Variants in NAALADL2 observed in about 807,000 individuals in gnomAD.
The protein encoded by NAALADL2 is N-acetylated alpha-linked acidic dipeptidase like 2.
NAALADL2 carries 76 observed loss-of-function variants against 87.2 expected under a neutral mutation model. The observed-to-expected ratio is 0.87, with a 90% CI of 0.72 to 1.05. The LOEUF is 1.05. NAALADL2 is among the 50% of genes least tolerant of loss of function. The pLI is 0.00. For missense variants in NAALADL2, 1,089 were observed against 945.8 expected, an observed-to-expected ratio of 1.15 and a Z score of -1.99; for synonymous variants, 354 against 331.0, an observed-to-expected ratio of 1.07 and a Z score of -0.75.
intron 10 of NAALADL2, among the ~76,000 whole-genome samples, chr3:175,587,924 T>C (rs1183753942): frequency 2.0e-5 from 3 of 152,218 alleles, no homozygotes; most frequent in African/African-American, 2.4e-5. Context: ...CTGGAGATGA[T>C]ACACCTGGGG....
At chr3:174,723,755 CAAAAAAAAAA>C (rs10663395) in intron 2 of NAALADL2, among the ~76,000 whole-genome samples, 2 of 27,562 alleles carry the variant, frequency 7.3e-5, no homozygotes, top group South Asian at 2.4e-3. Context: ...GACTCCGTCT[CAAAAAAAAAA>C]AAAAAAAAAA....
chr3:175,654,770 A>T (rs1731223374), intron 11 of NAALADL2, among the ~76,000 whole-genome samples: 1 of 152,196 alleles, frequency 6.6e-6, no homozygotes, highest in Non-Finnish European at 1.5e-5. Context: ...TGTGTGATAC[A>T]TATCAAGAAA....
chr3:174,590,220 C>T (rs1427852166), intron 2 of NAALADL2, among the ~76,000 whole-genome samples: 2 of 151,710 alleles, frequency 1.3e-5, no homozygotes, highest in African/African-American at 4.8e-5. Context: ...TCTTGGTAAT[C>T]AGCTCAACTA....
At chr3:175,108,436 C>T (rs1723607411) in intron 2 of NAALADL2, among the ~76,000 whole-genome samples, 1 of 151,946 alleles carries the variant, frequency 6.6e-6, no homozygotes. Flanking sequence ...AGTTCCAATT[C>T]TATGGAGTAC....
chr3:174,574,639 A>G (rs1715324969), intron 2 of NAALADL2, among the ~76,000 whole-genome samples: 1 of 152,120 alleles, frequency 6.6e-6, no homozygotes, highest in Admixed American at 6.5e-5. Flanking sequence ...ATTGATTAGT[A>G]CATGTCAATC....
intron 2 of NAALADL2, among the ~76,000 whole-genome samples, chr3:174,586,668 C>G (rs1716762116): frequency 6.6e-6 from 1 of 152,140 alleles, no homozygotes; most frequent in Admixed American, 6.5e-5. Flanking sequence ...GGGCCAGGGG[C>G]TCACATGTTC....
At chr3:174,575,133 A>G (rs1715381152) in intron 2 of NAALADL2, among the ~76,000 whole-genome samples, 1 of 152,092 alleles carries the variant, frequency 6.6e-6, no homozygotes, top group Non-Finnish European at 1.5e-5. Flanking sequence ...TAATTTTTTA[A>G]AAAAAATTTA....
At chr3:174,627,917 T>A (rs1317891790) in intron 2 of NAALADL2, among the ~76,000 whole-genome samples, 3 of 152,104 alleles carry the variant, frequency 2.0e-5, no homozygotes, top group Non-Finnish European at 4.4e-5. Context: ...AGTGGAATAA[T>A]AAACACGGGA....
chr3:175,285,662 C>T (rs1291178432), intron 4 of NAALADL2, among the ~76,000 whole-genome samples: 1 of 152,070 alleles, frequency 6.6e-6, no homozygotes. Flanking sequence ...GGCATATCAA[C>T]TGTAAAGCAT....
chr3:174,875,950 G>A (rs989530516), intron 1 of NAALADL2, among the ~76,000 whole-genome samples: 9 of 150,640 alleles, frequency 6.0e-5, no homozygotes, highest in African/African-American at 9.7e-5. Context: ...CCTATTATGA[G>A]TAATCAACTT....
chr3:175,778,694 G>T (rs1028914743), intron 13 of NAALADL2, among the ~76,000 whole-genome samples: 1 of 152,172 alleles, frequency 6.6e-6, no homozygotes, highest in African/African-American at 2.4e-5. Context: ...ACTCTAGGTT[G>T]TAAGGACTAA....
chr3:174,856,496 A>G (rs1319569787), upstream of NAALADL2, among the ~76,000 whole-genome samples: 1 of 152,180 alleles, frequency 6.6e-6, no homozygotes, highest in African/African-American at 2.4e-5. Context: ...GATGTGAATC[A>G]TCCGTATGTC....
chr3:175,055,847 T>G (rs1315418998), intron 1 of NAALADL2, among the ~76,000 whole-genome samples: 1 of 152,182 alleles, frequency 6.6e-6, no homozygotes, highest in African/African-American at 2.4e-5. Flanking sequence ...CCATTGCCTG[T>G]GCCAACAAAG....
chr3:175,133,791 GA>G (rs1187242181), intron 2 of NAALADL2, among the ~76,000 whole-genome samples: 3 of 152,118 alleles, frequency 2.0e-5, no homozygotes, highest in African/African-American at 7.2e-5. Flanking sequence ...ACTGTCAGTG[GA>G]ATTATTTTCT....
intron 2 of NAALADL2, among the ~76,000 whole-genome samples, chr3:175,132,109 G>A (rs1339295315): frequency 5.2e-5 from 7 of 133,404 alleles, no homozygotes; most frequent in Non-Finnish European, 9.7e-5. Flanking sequence ...CCTCCCGCCC[G>A]GATGGGGCGG....
chr3:175,276,982 A>G (rs1374110139), intron 4 of NAALADL2, among the ~76,000 whole-genome samples: 2 of 152,090 alleles, frequency 1.3e-5, no homozygotes, highest in African/African-American at 4.8e-5. Context: ...CCTTATGGCA[A>G]CTCCTAGCAA....
chr3:174,498,019 T>G (rs1181541642), intron 1 of NAALADL2, among the ~76,000 whole-genome samples: 4 of 152,144 alleles, frequency 2.6e-5, no homozygotes, highest in African/African-American at 9.7e-5. Context: ...GTTTTTTCAA[T>G]TTTTAACAGC....
At chr3:174,610,063 A>C (rs146378261) in intron 2 of NAALADL2, among the ~76,000 whole-genome samples, 51,713 of 150,920 alleles carry the variant, frequency 0.34, 10,089 homozygotes, top group Middle Eastern at 0.46. Flanking sequence ...AGCAATGGGG[A>C]AAGGATTCCC....
intron 2 of NAALADL2, among the ~76,000 whole-genome samples, chr3:174,629,857 G>A (rs1353087922): frequency 6.6e-6 from 1 of 152,090 alleles, no homozygotes; most frequent in Non-Finnish European, 1.5e-5. Context: ...CTTGATAAAT[G>A]GGCAAGAAAA....
Sources: allele counts gnomAD v4.1 joint callset (sites outside exome capture counted in the v4.1 genomes callset), GRCh38; gene constraint gnomAD v4.1.1; transcripts MANE v1.5; gene names NCBI Gene and HGNC (gene_info 2026-07-23, HGNC 2026-07-21).